RAD51B: variants seen among roughly 807,000 people sequenced by gnomAD.
The protein encoded by RAD51B is RAD51 paralog B.
In RAD51B, 38 loss-of-function variants were observed where a neutral mutation model predicts 42.2. That is an observed-to-expected ratio of 0.90 (90% CI 0.70 to 1.18). The LOEUF is 1.18. Among genes scored for constraint, RAD51B ranks in the 50% most tolerant of loss-of-function variants. The pLI, the probability that RAD51B is intolerant of heterozygous loss-of-function variation, is 0.00. For missense variants in RAD51B, 373 were observed against 400.7 expected (o/e 0.93, Z 0.59); for synonymous variants, 154 against 145.2 (o/e 1.06, Z -0.43).
chr14:68,595,143 A>T (rs1890936744), exon 11 of RAD51B: 1 of 1,066,724 alleles, frequency 9.4e-7, no homozygotes, highest in Non-Finnish European at 1.1e-6. Context: ...GAGCGCTGGA[A>T]CGTTTATTCT....
chr14:68,356,855 C>T lies in RAD51B; in HGVS notation c.854-54569C>T, dbSNP rs557151973. Reference sequence around the variant, plus strand: ...AAAATTAGCCGGGCGCGGTGGCGGGCGCCTGTAGTCCCAGCTACTTGGGAG... The same window carrying T: ...AAAATTAGCCGGGCGCGGTGGCGGGTGCCTGTAGTCCCAGCTACTTGGGAG... On this transcript the variant is annotated intron_variant, in intron 8 of 10. Transcript: ENST00000471583. Among the ~76,000 whole-genome samples the T allele has an allele frequency of 9.0e-4, 136 of 151,920 alleles. 1 individual carries two copies. Among genetic ancestry groups the T allele is most frequent in the Admixed American group, 6.0e-3 (91 of 15,278 alleles).
intron 7 of RAD51B, among the ~76,000 whole-genome samples, chr14:67,985,755 C>A (rs2075175479): frequency 1.3e-5 from 2 of 151,214 alleles, no homozygotes; most frequent in Non-Finnish European, 3.0e-5. Context: ...AAAAAAAATT[C>A]AAAAATTAGC....
intron 7 of RAD51B, among the ~76,000 whole-genome samples, chr14:68,071,631 T>C (rs912849176): frequency 4.6e-5 from 7 of 152,152 alleles, no homozygotes; most frequent in Non-Finnish European, 1.0e-4. Flanking sequence ...ATGGATTAGC[T>C]TTTTGAGGGA....
intron 9 of RAD51B, among the ~76,000 whole-genome samples, chr14:68,465,988 A>G (rs1485769718): frequency 2.1e-5 from 3 of 141,434 alleles, no homozygotes; most frequent in Non-Finnish European, 3.2e-5. Context: ...ATAAATAAAT[A>G]AATAAATTCA....
chr14:68,610,871 GTGTGTGTGTGTGTGTC>G (rs773520464), intron 10 of RAD51B: 6,927 of 625,810 alleles, frequency 0.011, 23 homozygotes, highest in Middle Eastern at 0.026. Context: ...GTGTGTGTGT[GTGTGTGTGTGTGTGTC>G]ATCTCCCTAG....
intron 11 of RAD51B, among the ~76,000 whole-genome samples, chr14:68,673,715 C>T (rs1393553894): frequency 1.3e-5 from 2 of 151,764 alleles, no homozygotes; most frequent in Non-Finnish European, 2.9e-5. Flanking sequence ...ACTGTACACA[C>T]ATCTATACAT....
chr14:68,531,050 C>T (rs1322083378), intron 10 of RAD51B, among the ~76,000 whole-genome samples: 1 of 151,022 alleles, frequency 6.6e-6, no homozygotes, highest in East Asian at 1.9e-4. Flanking sequence ...TATGGTAAAA[C>T]TTTAAGGTAA....
chr14:68,477,752 C>T lies in RAD51B; in HGVS notation c.*88C>T. 1.1e-5 allele frequency: 17 copies of T among 1,576,858 alleles called. No homozygotes were observed. In the South Asian group the frequency reaches 2.0e-4, roughly 19 times the overall value. The stretch of plus-strand genomic sequence containing the variant: ...ACTGCTTGGAAGAAGGAAACGGAAG[C>T]TGACATAATGGGGATTAATTAGTTG... On this transcript the variant is annotated 3_prime_UTR_variant, in exon 11 of 11. Coordinates refer to ENST00000471583, the MANE Select transcript of RAD51B (RefSeq NM_133510.4).
At chr14:68,181,514 T>C (rs1276454863) in intron 7 of RAD51B, among the ~76,000 whole-genome samples, 1 of 152,214 alleles carries the variant, frequency 6.6e-6, no homozygotes, top group Non-Finnish European at 1.5e-5. Context: ...TGCCCACATT[T>C]GGTAATTGGA....
intron 5 of RAD51B, among the ~76,000 whole-genome samples, chr14:67,867,839 T>C (rs2042377669): frequency 6.6e-6 from 1 of 152,182 alleles, no homozygotes; most frequent in Non-Finnish European, 1.5e-5. Context: ...TGTGTTCACA[T>C]TGTCTCCACT....
intron 7 of RAD51B, among the ~76,000 whole-genome samples, chr14:67,902,633 G>A (rs997382395): frequency 6.6e-6 from 1 of 152,098 alleles, no homozygotes; most frequent in African/African-American, 2.4e-5. Context: ...AGTAGTTGGG[G>A]GCTAGTGTCA....
chr14:68,057,818 T>C (rs1209005795), intron 7 of RAD51B, among the ~76,000 whole-genome samples: 1 of 116,640 alleles, frequency 8.6e-6, no homozygotes, highest in African/African-American at 3.3e-5. Flanking sequence ...ACCTTTTAGT[T>C]CTTTGTGTGT....
At chr14:68,612,116 G>A (rs1449053198), downstream of RAD51B, among the ~76,000 whole-genome samples, 2 of 152,198 alleles carry the variant, frequency 1.3e-5, no homozygotes, top group Non-Finnish European at 2.9e-5. Flanking sequence ...CAGAAAAATA[G>A]CTGTTGCTCT....
At chr14:68,105,368 A>G (rs1450853300) in intron 7 of RAD51B, among the ~76,000 whole-genome samples, 2 of 151,980 alleles carry the variant, frequency 1.3e-5, no homozygotes, top group Non-Finnish European at 2.9e-5. Flanking sequence ...TAATTTAAAA[A>G]TTGATGTATA....
At chr14:68,314,303 C>G (rs536081841) in intron 8 of RAD51B, among the ~76,000 whole-genome samples, 1 of 152,106 alleles carries the variant, frequency 6.6e-6, no homozygotes, top group African/African-American at 2.4e-5. Context: ...CCCCTGCACT[C>G]ATTCTGATCC....
At position 68,136,908 on chromosome 14, in the gene RAD51B, A is replaced by G. The variant is rs569775367; in HGVS notation, c.757-154976A>G. On this transcript the variant is annotated intron_variant, in intron 7 of 10. Coordinates refer to ENST00000471583, the MANE Select transcript of RAD51B (RefSeq NM_133510.4). Reference sequence around the variant, plus strand: ...AGTTAATCAGGTATTTTTCCATATAACACAATAAAAGCATTGAACTGGGAT... The same window carrying G: ...AGTTAATCAGGTATTTTTCCATATAGCACAATAAAAGCATTGAACTGGGAT... 2.9e-5 allele frequency among the ~76,000 whole-genome samples: 2 copies of G among 68,310 alleles called. 1 individual carries two copies. The highest frequency in any genetic ancestry group is 6.2e-5 in the African/African-American group (2 of 32,486). The allele number at this position is 68,310 out of a possible 152,430, so 44.8% of individuals were successfully genotyped here. A position where few individuals can be genotyped will look rare whatever the true frequency, so the allele number is the denominator to read the frequency against.
chr14:68,534,463 AG>A (rs773399835), intron 10 of RAD51B, among the ~76,000 whole-genome samples: 8 of 152,172 alleles, frequency 5.3e-5, no homozygotes, highest in Non-Finnish European at 1.2e-4. Flanking sequence ...AGGAGGAGAA[AG>A]GGTTTGGAAG....
At chr14:68,263,105 C>T (rs1443781874) in intron 7 of RAD51B, among the ~76,000 whole-genome samples, 4 of 152,188 alleles carry the variant, frequency 2.6e-5, no homozygotes, top group African/African-American at 9.7e-5. Context: ...CCTCAGTTTC[C>T]TCCTTTGCAT....
At chr14:68,665,531 G>A (rs948633408) in intron 11 of RAD51B, among the ~76,000 whole-genome samples, 6 of 152,218 alleles carry the variant, frequency 3.9e-5, no homozygotes, top group Non-Finnish European at 8.8e-5. Context: ...AGGCTCTGGA[G>A]GGAAGACACT....
Sources: allele counts gnomAD v4.1 joint callset (sites outside exome capture counted in the v4.1 genomes callset), GRCh38; gene constraint gnomAD v4.1.1; transcripts MANE v1.5; gene names NCBI Gene and HGNC (gene_info 2026-07-23, HGNC 2026-07-21).